The following RPS6KC1 variants were observed in gnomAD, a reference collection of about 807,000 sequenced individuals.
The protein encoded by RPS6KC1 is ribosomal protein S6 kinase C1.
Under a neutral mutation model 103.8 loss-of-function variants are expected in RPS6KC1, and 54 were observed. The observed-to-expected ratio is 0.52, with a 90% CI of 0.42 to 0.65. RPS6KC1 has a LOEUF of 0.65. RPS6KC1 is among the 30% of genes least tolerant of loss of function. RPS6KC1 has a pLI of 0.00. For synonymous variants in RPS6KC1, 439 were observed against 438.7 expected, an observed-to-expected ratio of 1.00 and a Z score of -0.01; for missense variants, 1,151 against 1,253.8, an observed-to-expected ratio of 0.92 and a Z score of 1.24.
the RPS6KC1 span, among the ~76,000 whole-genome samples, chr1:213,565,239 C>T: frequency 6.6e-6 from 1 of 152,184 alleles, no homozygotes; most frequent in East Asian, 1.9e-4. Context: ...ACACCTACGC[C>T]ATGACTTAGC....
chr1:213,792,531 C>A, the RPS6KC1 span, among the ~76,000 whole-genome samples: 1 of 152,126 alleles, frequency 6.6e-6, no homozygotes, highest in South Asian at 2.1e-4. Context: ...AAACCCAATT[C>A]TTCCCTCAAA....
At chr1:213,055,637 C>A (rs2077275699) in intron 1 of RPS6KC1, among the ~76,000 whole-genome samples, 1 of 152,092 alleles carries the variant, frequency 6.6e-6, no homozygotes, top group Non-Finnish European at 1.5e-5. Flanking sequence ...TCTAAGTACT[C>A]TTTCTTTCTC....
the RPS6KC1 span, among the ~76,000 whole-genome samples, chr1:213,829,268 C>CAAAA: frequency 2.6e-3 from 301 of 114,252 alleles, 10 homozygotes; most frequent in African/African-American, 8.0e-3. Context: ...TCGTTTGTTT[C>CAAAA]AAAAAAAAAA....
At chr1:213,248,992 T>G (rs2094499884) in intron 12 of RPS6KC1, among the ~76,000 whole-genome samples, 1 of 152,206 alleles carries the variant, frequency 6.6e-6, no homozygotes, top group Non-Finnish European at 1.5e-5. Context: ...AAGCTTTAGA[T>G]TATTAAAAAT....
intron 8 of RPS6KC1, among the ~76,000 whole-genome samples, chr1:213,178,186 AAAATAAATAAATAAATAAATAAATAAAT>A (rs35813252): frequency 1.6e-5 from 2 of 128,266 alleles, no homozygotes; most frequent in Non-Finnish European, 3.2e-5. Flanking sequence ...ACTCTGTCTC[AAAATAAATAAATAAATAAATAAATAAAT>A]AAATAAATAA....
At chr1:213,343,623 C>G in the RPS6KC1 span, among the ~76,000 whole-genome samples, 5 of 150,798 alleles carry the variant, frequency 3.3e-5, no homozygotes, top group African/African-American at 1.2e-4. Flanking sequence ...AAGAATGACA[C>G]CATGGACTCT....
the RPS6KC1 span, among the ~76,000 whole-genome samples, chr1:213,842,823 T>C: frequency 1.3e-5 from 2 of 152,206 alleles, no homozygotes; most frequent in African/African-American, 2.4e-5. Context: ...TCCAGTTCTG[T>C]TTTAGGGGCC....
the RPS6KC1 span, among the ~76,000 whole-genome samples, chr1:213,838,741 AGGCTAAGCT>A: frequency 1.3e-5 from 2 of 152,228 alleles, no homozygotes; most frequent in East Asian, 3.8e-4. Flanking sequence ...GACCAGGCAA[AGGCTAAGCT>A]GGCAGGAGGA....
At chr1:213,698,403 T>C in the RPS6KC1 span, among the ~76,000 whole-genome samples, 1 of 152,234 alleles carries the variant, frequency 6.6e-6, no homozygotes, top group African/African-American at 2.4e-5. Flanking sequence ...AAAATGGTTA[T>C]GAAATTTTGA....
intron 8 of RPS6KC1, among the ~76,000 whole-genome samples, chr1:213,181,245 A>G (rs955250728): frequency 5.9e-5 from 9 of 152,356 alleles, no homozygotes; most frequent in African/African-American, 1.7e-4. Context: ...TGAAGATCGT[A>G]TATCTGGATC....
chr1:213,757,616 G>A, the RPS6KC1 span, among the ~76,000 whole-genome samples: 1 of 152,206 alleles, frequency 6.6e-6, no homozygotes, highest in Non-Finnish European at 1.5e-5. Flanking sequence ...GTGTTGATGT[G>A]GAAGCTGCAG....
intron 1 of RPS6KC1, among the ~76,000 whole-genome samples, chr1:213,057,529 C>A (rs1330973202): frequency 6.6e-6 from 1 of 152,080 alleles, no homozygotes; most frequent in Admixed American, 6.6e-5. Context: ...TCTATCTATA[C>A]TACTATACTT....
At chr1:213,519,371 G>C in the RPS6KC1 span, among the ~76,000 whole-genome samples, 4 of 152,142 alleles carry the variant, frequency 2.6e-5, no homozygotes, top group Admixed American at 6.5e-5. Flanking sequence ...ATGGTCATTT[G>C]TTTGCAGTAG....
At chr1:213,410,949 G>A in the RPS6KC1 span, among the ~76,000 whole-genome samples, 4 of 152,120 alleles carry the variant, frequency 2.6e-5, no homozygotes, top group African/African-American at 9.7e-5. Context: ...CAGAGTCGAT[G>A]GAATGGAGAT....
the RPS6KC1 span, among the ~76,000 whole-genome samples, chr1:213,423,807 G>C: frequency 6.6e-6 from 1 of 152,174 alleles, no homozygotes; most frequent in South Asian, 2.1e-4. Context: ...GGGAGGCGGC[G>C]GGAGGAGGGG....
chr1:213,198,141 C>T (rs1318310337), intron 8 of RPS6KC1, among the ~76,000 whole-genome samples: 2 of 152,072 alleles, frequency 1.3e-5, no homozygotes, highest in African/African-American at 4.8e-5. Flanking sequence ...GTAGTGCTGG[C>T]TTGGTAGTGG....
chr1:213,421,371 C>T, the RPS6KC1 span, among the ~76,000 whole-genome samples: 1 of 152,208 alleles, frequency 6.6e-6, no homozygotes, highest in Non-Finnish European at 1.5e-5. Flanking sequence ...CCTTGGCCTC[C>T]CAAAGTGTGG....
chr1:213,558,693 C>T, the RPS6KC1 span, among the ~76,000 whole-genome samples: 1 of 152,208 alleles, frequency 6.6e-6, no homozygotes, highest in Non-Finnish European at 1.5e-5. Flanking sequence ...TTTCTCCATA[C>T]ATAGTGGACT....
the RPS6KC1 span, among the ~76,000 whole-genome samples, chr1:213,282,596 A>G: frequency 1.3e-5 from 2 of 152,262 alleles, no homozygotes; most frequent in African/African-American, 4.8e-5. Context: ...TTTTGGAGTG[A>G]AGGCCATTTC....
Sources: allele counts gnomAD v4.1 joint callset (sites outside exome capture counted in the v4.1 genomes callset), GRCh38; gene constraint gnomAD v4.1.1; transcripts MANE v1.5; gene names NCBI Gene and HGNC (gene_info 2026-07-23, HGNC 2026-07-21).